CADM2: variants seen among roughly 807,000 people sequenced by gnomAD.
The protein encoded by CADM2 is cell adhesion molecule 2.
In CADM2, 12 loss-of-function variants were observed where a neutral mutation model predicts 49.8. The observed-to-expected ratio is 0.24, with a 90% confidence interval of 0.15 to 0.39. The LOEUF is 0.39. Among genes scored for constraint, CADM2 ranks in the 10% least tolerant of loss-of-function variants. The pLI, the probability that CADM2 is intolerant of heterozygous loss-of-function variation, is 1.00. For synonymous variants in CADM2, 214 were observed against 175.4 expected (o/e 1.22, Z -1.74); for missense variants, 378 against 492.3 (o/e 0.77, Z 2.20).
intron 8 of CADM2, among the ~76,000 whole-genome samples, chr3:86,038,476 A>AATTCCT (rs1735447753): frequency 6.6e-6 from 1 of 152,160 alleles, no homozygotes. Context: ...TCTAAACTCC[A>AATTCCT]ATTAATCCTC....
At chr3:85,995,983 G>T (rs1234376324) in intron 8 of CADM2, among the ~76,000 whole-genome samples, 2 of 151,600 alleles carry the variant, frequency 1.3e-5, no homozygotes, top group Non-Finnish European at 2.9e-5. Flanking sequence ...CCAGCTACTC[G>T]GGAGGCTGAG....
Position 85,712,744 on chromosome 3 carries a change from T to C in CADM2, c.62-13778T>C, listed in dbSNP as rs189503722. 4.3e-4 allele frequency among the ~76,000 whole-genome samples: 63 copies of C among 147,646 alleles called. 1 individual carries two copies. Among genetic ancestry groups the C allele is most frequent in the Admixed American group, 1.7e-3 (25 of 14,786 alleles). On this transcript the variant is annotated intron_variant, in intron 1 of 9. Transcript: ENST00000383699. Reference sequence around the variant, plus strand: ...TCAGATCATGTTAAGCTTTTTTTTTTCCCCAAATACTATTCATGTTTATTA... The same window carrying C: ...TCAGATCATGTTAAGCTTTTTTTTTCCCCCAAATACTATTCATGTTTATTA...
intron 1 of CADM2, among the ~76,000 whole-genome samples, chr3:85,165,269 A>G (rs1466573111): frequency 6.6e-6 from 1 of 151,944 alleles, no homozygotes; most frequent in African/African-American, 2.4e-5. Flanking sequence ...CTGTGAGACG[A>G]TATTACTTCC....
intron 1 of CADM2, among the ~76,000 whole-genome samples, chr3:85,165,068 AGGGC>A (rs2040433354): frequency 6.6e-6 from 1 of 151,728 alleles, no homozygotes; most frequent in Non-Finnish European, 1.5e-5. Flanking sequence ...TACATGATCA[AGGGC>A]CCCAGTATAA....
chr3:85,910,082 T>C (rs1405287537), intron 5 of CADM2, among the ~76,000 whole-genome samples: 3 of 152,196 alleles, frequency 2.0e-5, no homozygotes, highest in African/African-American at 7.2e-5. Context: ...ATACAATTGC[T>C]ATCAAATGTT....
chr3:85,789,449 T>A (rs1347567635), intron 2 of CADM2, among the ~76,000 whole-genome samples: 2 of 152,180 alleles, frequency 1.3e-5, no homozygotes, highest in African/African-American at 4.8e-5. Flanking sequence ...ATCACAGAAA[T>A]CATTTTAAAA....
At chr3:85,550,637 T>C (rs1043916224) in intron 1 of CADM2, among the ~76,000 whole-genome samples, 1 of 152,188 alleles carries the variant, frequency 6.6e-6, no homozygotes, top group Admixed American at 6.5e-5. Flanking sequence ...TTCCTAAATT[T>C]ATATGCAAGA....
intron 1 of CADM2, among the ~76,000 whole-genome samples, chr3:85,033,758 G>T (rs2035088282): frequency 6.6e-6 from 1 of 152,022 alleles, no homozygotes; most frequent in South Asian, 2.1e-4. Flanking sequence ...TTGTGTGTGG[G>T]GAAAGAGAAT....
chr3:85,326,253 T>C (rs1428532801), intron 1 of CADM2, among the ~76,000 whole-genome samples: 1 of 152,120 alleles, frequency 6.6e-6, no homozygotes, highest in Non-Finnish European at 1.5e-5. Flanking sequence ...ACAGCCTGTA[T>C]TGTTTTTCTA....
At chr3:85,810,096 A>G (rs1005691523) in intron 3 of CADM2, among the ~76,000 whole-genome samples, 2 of 152,132 alleles carry the variant, frequency 1.3e-5, no homozygotes, top group Non-Finnish European at 2.9e-5. Context: ...GTAGGAGAAC[A>G]TCCTACTTTG....
intron 1 of CADM2, among the ~76,000 whole-genome samples, chr3:85,050,077 T>G (rs1273663196): frequency 6.6e-6 from 1 of 152,008 alleles, no homozygotes; most frequent in East Asian, 1.9e-4. Flanking sequence ...CTGAGGCAGA[T>G]GTTGTGGAAA....
intron 1 of CADM2, among the ~76,000 whole-genome samples, chr3:85,014,711 C>A (rs2034174420): frequency 6.6e-6 from 1 of 152,162 alleles, no homozygotes; most frequent in African/African-American, 2.4e-5. Context: ...CAGGAGCTTC[C>A]AAGCTTGCAT....
At chr3:85,766,677 G>T (rs1238369330) in intron 2 of CADM2, among the ~76,000 whole-genome samples, 2 of 152,146 alleles carry the variant, frequency 1.3e-5, no homozygotes, top group African/African-American at 4.8e-5. Flanking sequence ...TGTTGGTCTT[G>T]TAGTTCAGAT....
intron 7 of CADM2, among the ~76,000 whole-genome samples, chr3:85,948,253 A>G (rs1283617021): frequency 6.6e-6 from 1 of 151,490 alleles, no homozygotes; most frequent in Admixed American, 6.6e-5. Flanking sequence ...TTGAAATACT[A>G]TGATTATTTA....
At chr3:85,807,397 A>G (rs6795667) in intron 3 of CADM2, among the ~76,000 whole-genome samples, 100,107 of 151,402 alleles carry the variant, frequency 0.66, 33,505 homozygotes, top group East Asian at 0.77. Flanking sequence ...TACTTGGGAG[A>G]CTGAGGCAGG....
At chr3:86,026,316 G>A (rs1169257306) in intron 8 of CADM2, among the ~76,000 whole-genome samples, 1 of 151,838 alleles carries the variant, frequency 6.6e-6, no homozygotes, top group Non-Finnish European at 1.5e-5. Context: ...CAGGAAACTC[G>A]AAGTTTTAGC....
At position 86,072,963 on chromosome 3, in the gene CADM2, A is replaced by C. The variant is rs971321689; in HGVS notation, c.*6180A>C. 6.6e-6 allele frequency: 1 copy of C among 152,242 alleles called. No individual in the cohort carries two copies. The highest frequency in any genetic ancestry group is 1.5e-5 in the Non-Finnish European group (1 of 67,970). The allele number at this position is 152,242 out of a possible 1,614,324, so 9.4% of individuals were successfully genotyped here. ...AAATTTATTTAACTGTACCTACTGT[A>C]CTTATTGTAGATTCAATGACGCAGT... is the stretch of plus-strand genomic sequence containing the variant. On this transcript the variant is annotated 3_prime_UTR_variant, in exon 10 of 10. Coordinates refer to ENST00000383699, the MANE Select transcript of CADM2 (RefSeq NM_001167675.2).
intron 1 of CADM2, among the ~76,000 whole-genome samples, chr3:85,096,503 T>C (rs181583781): frequency 1.4e-4 from 21 of 152,268 alleles, no homozygotes; most frequent in Admixed American, 1.3e-3. Flanking sequence ...TTCTAGAATA[T>C]CAGGTAAATA....
intron 1 of CADM2, among the ~76,000 whole-genome samples, chr3:85,330,120 C>T (rs2044875880): frequency 6.6e-6 from 1 of 152,152 alleles, no homozygotes; most frequent in Admixed American, 6.6e-5. Flanking sequence ...AGAAATCCTA[C>T]ATTTTCAAAG....
Sources: gnomAD v4.1 joint callset for allele counts (sites outside exome capture counted in the v4.1 genomes callset) on GRCh38, gnomAD v4.1.1 for gene constraint, MANE v1.5 for transcripts, NCBI Gene and HGNC (gene_info 2026-07-23, HGNC 2026-07-21) for gene names.